Variants in IDE observed in about 807,000 individuals in gnomAD.
IDE encodes the protein insulin degrading enzyme.
IDE carries 58 observed loss-of-function variants against 133.2 expected under a neutral mutation model. The ratio of observed to expected loss-of-function variants is 0.44; its 90% CI spans 0.35 to 0.54. IDE has a LOEUF of 0.54. Ranked by LOEUF, IDE falls within the 20% of genes least tolerant of loss-of-function variation. IDE has a pLI of 0.00. For missense variants in IDE, 981 were observed against 1,234.0 expected, an observed-to-expected ratio of 0.79 and a Z score of 3.07; for synonymous variants, 396 against 421.3, an observed-to-expected ratio of 0.94 and a Z score of 0.73.
intron 17 of IDE, among the ~76,000 whole-genome samples, chr10:92,473,624 GA>G (rs771270224): frequency 2.4e-3 from 339 of 139,946 alleles, no homozygotes; most frequent in Non-Finnish European, 2.9e-3. Flanking sequence ...GCTAAAGCAG[GA>G]AAAAAAAAAA....
rs377337507 is a variant in IDE at position 92,527,436 on chromosome 10, CTT to C, written c.661+4310_661+4311del. 7.6e-3 allele frequency among the ~76,000 whole-genome samples: 1,154 copies of C among 152,166 alleles called. 16 individuals are homozygous for C. Among genetic ancestry groups the C allele is most frequent in the African/African-American group, 0.027 (1,103 of 41,522 alleles). ...TTAGCTATTCTTGGCCTTTTACTCT[CTT>C]ATTAATTTTATAATGAGATTATACA... is the stretch of plus-strand genomic sequence containing the variant. On this transcript the variant is annotated intron_variant, in intron 4 of 24. Transcript: ENST00000265986.
rs1282453008 is a variant in IDE at position 92,510,083 on chromosome 10, A to G, written c.864T>C (p.Phe288=). 6.2e-7 allele frequency: 1 copy of G among 1,603,666 alleles called. No homozygotes were observed. The highest frequency in any genetic ancestry group is 1.3e-5 in the African/African-American group (1 of 74,692). ...GTTCTTCTTGGAAAGGGTGTTCAGG[A>G]AATTCTGGCAATGGAACATTTTTGT... The part of the protein sequence containing the change: ...VENKNVPLPE[F]PEHPFQEEHL... Residue 288 remains phenylalanine, a synonymous_variant, in exon 6 of 25, where the codon TTT becomes TTC. Coordinates refer to ENST00000265986, the MANE Select transcript of IDE (RefSeq NM_004969.4).
chr10:92,557,306 G>T (rs567500993), intron 1 of IDE, among the ~76,000 whole-genome samples: 1 of 152,264 alleles, frequency 6.6e-6, no homozygotes, highest in South Asian at 2.1e-4. Context: ...GGAGGCCGAG[G>T]GGGGTGGATC....
chr10:92,462,317 TAAAAAAAAAA>T (rs57235158), intron 21 of IDE, among the ~76,000 whole-genome samples: 4 of 75,168 alleles, frequency 5.3e-5, no homozygotes, highest in Non-Finnish European at 1.1e-4. Context: ...AACTGTCTCA[TAAAAAAAAAA>T]AAAAAAAAAA....
chr10:92,505,358 G>A (rs549276057), intron 10 of IDE, among the ~76,000 whole-genome samples: 1 of 152,078 alleles, frequency 6.6e-6, no homozygotes, highest in African/African-American at 2.4e-5. Context: ...AAAAAAAAAT[G>A]GCTTATATTT....
At chr10:92,470,861 T>C (rs1295825056) in intron 17 of IDE, among the ~76,000 whole-genome samples, 2 of 152,202 alleles carry the variant, frequency 1.3e-5, no homozygotes, top group South Asian at 2.1e-4. Context: ...AGTTGATATG[T>C]TGTAGTACTA....
chr10:92,470,804 C>CA (rs1421388882), intron 17 of IDE, among the ~76,000 whole-genome samples: 2 of 152,174 alleles, frequency 1.3e-5, no homozygotes, highest in African/African-American at 4.8e-5. Context: ...AAGAATACCA[C>CA]AAAGGTAATG....
At chr10:92,468,828 C>G in intron 19 of IDE, 51 bp downstream of exon 19, 1 of 943,668 alleles carries the variant, frequency 1.1e-6, no homozygotes, top group Non-Finnish European at 1.7e-6. Flanking sequence ...TAATCACCCA[C>G]ACTGTTATGT....
At chr10:92,528,651 T>A (rs1849756751) in intron 4 of IDE, among the ~76,000 whole-genome samples, 1 of 152,216 alleles carries the variant, frequency 6.6e-6, no homozygotes, top group Non-Finnish European at 1.5e-5. Flanking sequence ...CTATACTATT[T>A]CTGAGCATGA....
chr10:92,564,827 C>G (rs1589552781), intron 1 of IDE, among the ~76,000 whole-genome samples: 1 of 151,290 alleles, frequency 6.6e-6, no homozygotes, highest in Non-Finnish European at 1.5e-5. Context: ...GGAGGCTAAG[C>G]AGAACGATCA....
At chr10:92,457,510 T>C (rs987315904) in intron 22 of IDE, among the ~76,000 whole-genome samples, 10 of 152,020 alleles carry the variant, frequency 6.6e-5, no homozygotes, top group African/African-American at 2.2e-4. Context: ...GGATTCCCCT[T>C]AGTTACTACC....
Position 92,555,429 on chromosome 10 carries a change from G to A in IDE, c.99-17879C>T, listed in dbSNP as rs368328061. On this transcript the variant is annotated intron_variant, in intron 1 of 24. Coordinates refer to ENST00000265986, the MANE Select transcript of IDE (RefSeq NM_004969.4). ...GCAGAATCACTTGAACCCAGGAGGC[G>A]GAGGTTGCGGTGAGCCGTGATAGTG... Among the ~76,000 whole-genome samples, 14 of 151,544 alleles carry A rather than the reference G, an allele frequency of 9.2e-5. 1 individual carries two copies. The highest frequency in any genetic ancestry group is 4.2e-4 in the South Asian group (2 of 4,802).
At chr10:92,556,744 C>T (rs985971791) in intron 1 of IDE, among the ~76,000 whole-genome samples, 3 of 151,240 alleles carry the variant, frequency 2.0e-5, no homozygotes, top group African/African-American at 4.9e-5. Context: ...GGCAACAGAG[C>T]GAAAGTCTGT....
At chr10:92,478,182 A>G (rs574743163) in intron 15 of IDE, among the ~76,000 whole-genome samples, 1 of 152,374 alleles carries the variant, frequency 6.6e-6, no homozygotes, top group Non-Finnish European at 1.5e-5. Flanking sequence ...TAAAACACAC[A>G]TAAAGTAGGT....
Position 92,470,283 on chromosome 10 carries a change from C to T in IDE, c.2179G>A (p.Ala727Thr), listed in dbSNP as rs1212506663. The part of the protein sequence containing the change: ...PQLLSRLHIE[A>T]LLHGNITKQA... Reference sequence around the variant, plus strand: ...TTTGTTATGTTTCCATGGAGAAGGGCTTCAATGTGCAGCCGTGACAGGAGC... The same window carrying T: ...TTTGTTATGTTTCCATGGAGAAGGGTTTCAATGTGCAGCCGTGACAGGAGC... Residue 727 changes from alanine (A) to threonine (T), a missense_variant, in exon 18 of 25, where the codon GCC becomes ACC. Physicochemically the swap from Ala to Thr is moderately conservative, Grantham distance 58 (BLOSUM62 0). Around this residue, in one of 2 missense-constraint regions of IDE, gnomAD observed 660 missense variants for 894.7 expected, o/e 0.74. Transcript: ENST00000265986. 2 of 1,605,558 alleles carry T rather than the reference C, an allele frequency of 1.2e-6. No individual in the cohort carries two copies. The highest frequency in any genetic ancestry group is 2.2e-5 in the South Asian group (2 of 89,382).
intron 11 of IDE, among the ~76,000 whole-genome samples, chr10:92,496,497 C>T (rs903429772): frequency 2.6e-5 from 4 of 152,110 alleles, no homozygotes; most frequent in African/African-American, 9.7e-5. Flanking sequence ...TATGAAACCA[C>T]CTCTCTAGCC....
At chr10:92,553,126 A>C (rs1294869249) in intron 1 of IDE, among the ~76,000 whole-genome samples, 3 of 151,956 alleles carry the variant, frequency 2.0e-5, no homozygotes, top group Non-Finnish European at 4.4e-5. Context: ...TAAATAAATA[A>C]GAAAAAGAAA....
rs774473168 is a variant in IDE, at chr10:92,504,875, A to G, written c.1349T>C (p.Leu450Pro). The G allele has an allele frequency of 2.7e-5, 42 of 1,556,806 alleles. No individual in the cohort carries two copies. The highest frequency in any genetic ancestry group is 3.4e-5 in the Non-Finnish European group (39 of 1,142,126). ...ILHYYPLEEVLTAEYLLEEFR... is the reference protein window; with the variant it reads ...ILHYYPLEEVPTAEYLLEEFR... ...TTCTTCCAGTAAATATTCCGCTGTG[A>G]GCACCTCTTCTAGGGGATAATACTT... The change falls in exon 11 of 25, where the codon CTC becomes CCC. Residue 450 changes from leucine to proline, a missense_variant. Coordinates refer to ENST00000265986, the MANE Select transcript of IDE (RefSeq NM_004969.4).
chr10:92,492,583 C>G (rs1847421946), intron 11 of IDE, among the ~76,000 whole-genome samples: 1 of 152,198 alleles, frequency 6.6e-6, no homozygotes, highest in Non-Finnish European at 1.5e-5. Context: ...ATTGGTTCCA[C>G]TTCTCCCTTA....
Sources: allele counts gnomAD v4.1 joint callset (sites outside exome capture counted in the v4.1 genomes callset), GRCh38; gene constraint gnomAD v4.1.1; regional missense constraint gnomAD v4.1.1; transcripts MANE v1.5; gene names NCBI Gene and HGNC (gene_info 2026-07-23, HGNC 2026-07-21).